The following LPCAT1 variants were observed in gnomAD, a reference collection of about 807,000 sequenced individuals.
LPCAT1 encodes 1-acylglycerol-3-phosphate O-acyltransferase.
LPCAT1 carries 23 observed loss-of-function variants against 60.9 expected under a neutral mutation model. That is an observed-to-expected ratio of 0.38 (90% confidence interval 0.27 to 0.53). LPCAT1 has a LOEUF of 0.53. Among genes scored for constraint, LPCAT1 ranks in the 20% least tolerant of loss-of-function variants. The probability of loss-of-function intolerance (pLI) is 0.82; values close to 1 mark genes in which losing one functional copy is unlikely to be tolerated. For missense variants in LPCAT1, 622 were observed against 723.6 expected (o/e 0.86, Z 1.61); for synonymous variants, 340 against 301.1 (o/e 1.13, Z -1.34).
Position 1,520,547 on chromosome 5 carries a change from G to A in LPCAT1, c.135+3163C>T, listed in dbSNP as rs141080986. Among the ~76,000 whole-genome samples the A allele has an allele frequency of 2.4e-4, 36 of 152,264 alleles. 2 individuals are homozygous for A. Among genetic ancestry groups the A allele is most frequent in the African/African-American group, 7.7e-4 (32 of 41,558 alleles). On this transcript the variant is annotated intron_variant, in intron 1 of 13. Coordinates refer to ENST00000283415, the MANE Select transcript of LPCAT1 (RefSeq NM_024830.5). ...GTAAGTTCTTGCCAACTCTGGTTCC[G>A]AGCAGCAGAGACTTTAGAAATGGGG...
intron 12 of LPCAT1, among the ~76,000 whole-genome samples, chr5:1,467,921 G>A (rs1042292474): frequency 3.3e-5 from 5 of 152,104 alleles, no homozygotes; most frequent in African/African-American, 9.7e-5. Context: ...CGACGGGGCC[G>A]TCGCCCTGAC....
intron 3 of LPCAT1, 40 bp from the exon 4 acceptor site, chr5:1,489,898 G>A (rs202078468): frequency 7.6e-6 from 11 of 1,442,634 alleles, no homozygotes; most frequent in Admixed American, 1.7e-5. Flanking sequence ...TGGAATGCAC[G>A]GCTCCCGCCA....
At chr5:1,509,360 G>A (rs886807380) in intron 1 of LPCAT1, among the ~76,000 whole-genome samples, 4 of 152,276 alleles carry the variant, frequency 2.6e-5, no homozygotes, top group African/African-American at 7.2e-5. Flanking sequence ...GCGACAGTGC[G>A]CTTGCAAATC....
chr5:1,518,544 G>T (rs934763107), intron 1 of LPCAT1, among the ~76,000 whole-genome samples: 4 of 152,232 alleles, frequency 2.6e-5, no homozygotes, highest in African/African-American at 9.6e-5. Flanking sequence ...GTTTCACCGT[G>T]TTAGCCAGGA....
At chr5:1,479,308 G>C (rs999046300) in intron 8 of LPCAT1, among the ~76,000 whole-genome samples, 13 of 152,230 alleles carry the variant, frequency 8.5e-5, no homozygotes, top group Admixed American at 3.9e-4. Context: ...CTTGGGCCCA[G>C]GAGGTCGAGG....
intron 1 of LPCAT1, among the ~76,000 whole-genome samples, chr5:1,503,881 G>A (rs1187370268): frequency 1.3e-5 from 2 of 152,144 alleles, no homozygotes; most frequent in African/African-American, 4.8e-5. Context: ...CTCTCCTTGG[G>A]TTCACACCAA....
Position 1,481,993 on chromosome 5 carries a change from G to T in LPCAT1, c.727-1017C>A, listed in dbSNP as rs183544330. ...TCTGCCCCACTATGTCCTGACCCAC[G>T]GGGGTTTTCTTTCAGTGCTTTCCTT... On this transcript the variant is annotated intron_variant, in intron 6 of 13. Coordinates refer to ENST00000283415, the MANE Select transcript of LPCAT1 (RefSeq NM_024830.5). The surrounding 1 kb of genome is among the most constrained non-coding windows in gnomAD (Gnocchi z 7.8). Among the ~76,000 whole-genome samples, 1 of 152,344 alleles carries T rather than the reference G, an allele frequency of 6.6e-6. No individual in the cohort carries two copies. Among genetic ancestry groups the T allele is most frequent in the African/African-American group, 2.4e-5 (1 of 41,582 alleles).
chr5:1,509,431 T>C lies in LPCAT1; in HGVS notation c.136-7828A>G, dbSNP rs1579810454. On this transcript the variant is annotated intron_variant, in intron 1 of 13. Transcript: ENST00000283415. ...GCGAGCGGCAGCACACACAGGCGCC[T>C]GCTGTCCAAGGTCTAATTTTCTTTT... 2.0e-5 allele frequency among the ~76,000 whole-genome samples: 3 copies of C among 152,276 alleles called. No homozygotes were observed. In the East Asian group the frequency reaches 5.8e-4, roughly 29 times the overall value.
intron 1 of LPCAT1, among the ~76,000 whole-genome samples, chr5:1,511,418 G>A (rs1202871387): frequency 6.6e-6 from 1 of 151,150 alleles, no homozygotes; most frequent in Non-Finnish European, 1.5e-5. Flanking sequence ...ACATGGGGAT[G>A]CACCTGCTCA....
chr5:1,463,846 A>C lies in LPCAT1; in HGVS notation c.1421-11T>G, dbSNP rs199964512. ...ACCTGTGGAAGTCAGCTGGAAAGAC[A>C]AAGGCACCTGTGGTTATGGAATGGG... On this transcript the variant is annotated splice_polypyrimidine_tract_variant and intron_variant, in intron 13 of 13. Transcript: ENST00000283415. 2,160 of 1,613,230 alleles carry C rather than the reference A, an allele frequency of 1.3e-3. 43 individuals are homozygous for C. In the South Asian group the frequency reaches 0.021, roughly 16 times the overall value.
rs1736738774 is a variant in LPCAT1 at position 1,523,514 on chromosome 5, G to A, written c.135+196C>T. Among the ~76,000 whole-genome samples, 1 of 151,088 alleles carries A rather than the reference G, an allele frequency of 6.6e-6. No individual in the cohort carries two copies. Among genetic ancestry groups the A allele is most frequent in the South Asian group, 2.1e-4 (1 of 4,824 alleles). Reference sequence around the variant, plus strand: ...CGCGTGCGGGCGGCGGGAAGCCGGCGCCGAGACCGAGGCATCGGGTGCGGG... The same window carrying A: ...CGCGTGCGGGCGGCGGGAAGCCGGCACCGAGACCGAGGCATCGGGTGCGGG... On this transcript the variant is annotated intron_variant, in intron 1 of 13. Transcript: ENST00000283415. The surrounding 1 kb of genome is among the most constrained non-coding windows in gnomAD (Gnocchi z 7.1).
chr5:1,471,373 A>G (rs1162483903), intron 11 of LPCAT1, among the ~76,000 whole-genome samples: 2 of 152,258 alleles, frequency 1.3e-5, no homozygotes, highest in African/African-American at 4.8e-5. Flanking sequence ...GAAGCCAGTC[A>G]GCCCCGCGCT....
At chr5:1,470,297 C>G (rs1206291232) in intron 12 of LPCAT1, among the ~76,000 whole-genome samples, 1 of 152,274 alleles carries the variant, frequency 6.6e-6, no homozygotes, top group Admixed American at 6.5e-5. Flanking sequence ...CTGACCCAGA[C>G]CCCACTCAGC....
At chr5:1,485,306 G>A (rs1735329213) in intron 5 of LPCAT1, among the ~76,000 whole-genome samples, 1 of 152,064 alleles carries the variant, frequency 6.6e-6, no homozygotes, top group Admixed American at 6.5e-5. Context: ...GGGGTCTCTG[G>A]CCTCCCTAGT....
At chr5:1,467,002 T>A in intron 12 of LPCAT1, 112 bp from the exon 13 acceptor site, 1 of 1,194,814 alleles carries the variant, frequency 8.4e-7, no homozygotes, top group Non-Finnish European at 1.1e-6. Flanking sequence ...GCTGGGCACC[T>A]GCAGGGCCGG....
chr5:1,468,150 G>A (rs982761569), intron 12 of LPCAT1, among the ~76,000 whole-genome samples: 1 of 152,148 alleles, frequency 6.6e-6, no homozygotes, highest in Non-Finnish European at 1.5e-5. Flanking sequence ...CTCTTCCCGG[G>A]GCTCTGCCTC....
chr5:1,498,653 GAGAC>G (rs1308676433), intron 2 of LPCAT1, among the ~76,000 whole-genome samples: 5 of 105,286 alleles, frequency 4.7e-5, no homozygotes, highest in Non-Finnish European at 1.1e-4. Context: ...CATGTACACA[GAGAC>G]ACAACACTCA....
In LPCAT1 at chr5:1,462,519, T is replaced by C. The variant is rs1433148866; in HGVS notation, c.*1132A>G. The stretch of plus-strand genomic sequence containing the variant: ...GCACGGCTGTCACCAGACATCCTCA[T>C]CACCCTCCGCACCGCACAGCCCAGC... On this transcript the variant is annotated 3_prime_UTR_variant, in exon 14 of 14. Transcript: ENST00000283415. 6.6e-6 allele frequency: 1 copy of C among 152,266 alleles called. No individual in the cohort carries two copies. Among genetic ancestry groups the C allele is most frequent in the African/African-American group, 2.4e-5 (1 of 41,424 alleles). The allele number at this position is 152,266 out of a possible 1,614,324, so 9.4% of individuals were successfully genotyped here.
At chr5:1,475,321 C>T (rs114630523) in intron 9 of LPCAT1, among the ~76,000 whole-genome samples, 8,521 of 152,252 alleles carry the variant, frequency 0.056, 779 homozygotes, top group African/African-American at 0.19. Context: ...CCCAACTGAG[C>T]GGCTGCCTGT....
Sources: allele counts gnomAD v4.1 joint callset (sites outside exome capture counted in the v4.1 genomes callset), GRCh38; gene constraint gnomAD v4.1.1; non-coding constraint Gnocchi (gnomAD v3.1); transcripts MANE v1.5; gene names NCBI Gene and HGNC (gene_info 2026-07-23, HGNC 2026-07-21).